Variants in PCDHGA6 observed in about 807,000 individuals in gnomAD.
The protein encoded by PCDHGA6 is protocadherin gamma subfamily A, 6.
PCDHGA6 carries 41 observed loss-of-function variants against 60.6 expected under a neutral mutation model. That is an observed-to-expected ratio of 0.68 (90% CI 0.53 to 0.88). The LOEUF (loss-of-function observed/expected upper bound fraction) is 0.88, where lower values mean the gene tolerates loss of function less well. Ranked by LOEUF, PCDHGA6 falls within the 40% of genes least tolerant of loss-of-function variation. The pLI is 0.00. For synonymous variants in PCDHGA6, 594 were observed against 524.4 expected, an observed-to-expected ratio of 1.13 and a Z score of -1.81; for missense variants, 1,312 against 1,203.0, an observed-to-expected ratio of 1.09 and a Z score of -1.34.
At chr5:141,409,241 A>G in intron 1 of PCDHGA6, 1 of 1,614,038 alleles carries the variant, frequency 6.2e-7, no homozygotes. Context: ...CAGCCCAGAA[A>G]TAATCATCAC....
chr5:141,477,168 A>C lies in PCDHGA6; in HGVS notation c.2425-17639A>C, dbSNP rs763187246. 1 of 1,614,210 alleles carries C rather than the reference A, an allele frequency of 6.2e-7. No homozygotes were observed. The highest frequency in any genetic ancestry group is 8.5e-7 in the Non-Finnish European group (1 of 1,180,040). On this transcript the variant is annotated intron_variant, in intron 1 of 3. Transcript: ENST00000517434. This position sits in a 1 kb window ranked among gnomAD's most constrained non-coding sequence, Gnocchi z 4.9. ...GTGGATGTGAATGACAACGCCCCGG[A>C]GATCACAGTCACCTCCGTGTACAGC...
At position 141,432,995 on chromosome 5, in the gene PCDHGA6, G is replaced by A. The variant is rs576866505; in HGVS notation, c.2424+56488G>A. On this transcript the variant is annotated intron_variant, in intron 1 of 3. Transcript: ENST00000517434. This position sits in a 1 kb window ranked among gnomAD's most constrained non-coding sequence, Gnocchi z 6.0. ...GTCGCACTTTGTGGGCGTGGACGGGGTGCAGGCTTTCCTGCAGACCTATTC... is the reference window on the plus strand; with the variant it reads ...GTCGCACTTTGTGGGCGTGGACGGGATGCAGGCTTTCCTGCAGACCTATTC... The A allele has an allele frequency of 1.2e-6, 2 of 1,614,226 alleles. No individual in the cohort carries two copies. The highest frequency in any genetic ancestry group is 3.3e-5 in the Admixed American group (2 of 60,028).
intron 1 of PCDHGA6, chr5:141,384,769 G>A (rs778610936): frequency 6.2e-7 from 1 of 1,613,914 alleles, no homozygotes; most frequent in Non-Finnish European, 8.5e-7. Context: ...GCTGTACACG[G>A]GCGAGGTGCG....
intron 1 of PCDHGA6, chr5:141,384,099 T>A (rs1456303515): frequency 6.3e-7 from 1 of 1,597,622 alleles, no homozygotes; most frequent in Non-Finnish European, 8.5e-7. Flanking sequence ...CAATAGATAA[T>A]TATTATAGAT....
At chr5:141,408,002 T>A in intron 1 of PCDHGA6, 1 of 908,258 alleles carries the variant, frequency 1.1e-6, no homozygotes, top group Non-Finnish European at 1.6e-6. Flanking sequence ...GGCCTGGGAT[T>A]CCCTGCGCAG....
intron 1 of PCDHGA6, among the ~76,000 whole-genome samples, chr5:141,464,648 G>A (rs776411908): frequency 6.6e-6 from 1 of 152,020 alleles, no homozygotes; most frequent in African/African-American, 2.4e-5. Flanking sequence ...AACCTGATGG[G>A]TAAAAAGATA....
intron 1 of PCDHGA6, among the ~76,000 whole-genome samples, chr5:141,456,818 G>A (rs1214373156): frequency 1.3e-5 from 2 of 151,890 alleles, no homozygotes; most frequent in Admixed American, 6.6e-5. Context: ...CAAAAAATTA[G>A]CCATCGTGGT....
intron 2 of PCDHGA6, among the ~76,000 whole-genome samples, chr5:141,495,250 A>G (rs557893500): frequency 6.6e-6 from 1 of 152,188 alleles, no homozygotes; most frequent in Non-Finnish European, 1.5e-5. Context: ...CCTGGGGCTC[A>G]GGCAGAAAAG....
At chr5:141,389,337 G>T (rs756804360) in intron 1 of PCDHGA6, 7 of 1,614,014 alleles carry the variant, frequency 4.3e-6, no homozygotes, top group Non-Finnish European at 5.9e-6. Flanking sequence ...CAACGGCCAA[G>T]TCTCTTACTG....
Position 141,489,941 on chromosome 5 carries a change from A to G in PCDHGA6, c.2425-4866A>G. Reference sequence around the variant, plus strand: ...ACCCTTATCTCTGTCATCGTGCTGGACATCAATGATAATGCTCCAACCTTC... The same window carrying G: ...ACCCTTATCTCTGTCATCGTGCTGGGCATCAATGATAATGCTCCAACCTTC... On this transcript the variant is annotated intron_variant, in intron 1 of 3. Transcript: ENST00000517434. The surrounding 1 kb of genome is among the most constrained non-coding windows in gnomAD (Gnocchi z 4.5). 1.2e-6 allele frequency: 2 copies of G among 1,614,228 alleles called. No homozygotes were observed. The highest frequency in any genetic ancestry group is 1.7e-6 in the Non-Finnish European group (2 of 1,180,034).
intron 1 of PCDHGA6, chr5:141,423,295 C>A: frequency 6.2e-7 from 1 of 1,614,146 alleles, no homozygotes; most frequent in Non-Finnish European, 8.5e-7. Context: ...AACCTCAGAC[C>A]TCTCGCTGTA....
chr5:141,404,533 T>A, intron 1 of PCDHGA6: 2 of 1,613,926 alleles, frequency 1.2e-6, no homozygotes. Flanking sequence ...AGTTTAGAGA[T>A]TTGCAAATGC....
chr5:141,509,059 C>T (rs1313349089), intron 3 of PCDHGA6, among the ~76,000 whole-genome samples: 2 of 152,182 alleles, frequency 1.3e-5, no homozygotes, highest in Non-Finnish European at 2.9e-5. Flanking sequence ...CCAGAAAGCT[C>T]TCAGCTCCGG....
Position 141,404,312 on chromosome 5 carries a change from C to T in PCDHGA6, c.2424+27805C>T. On this transcript the variant is annotated intron_variant, in intron 1 of 3. Transcript: ENST00000517434. ...CAATGATAATCCACCTGCTTTCTCT[C>T]AAGCCTCCTACTCAGTCTACCTCCC... is the stretch of plus-strand genomic sequence containing the variant. 1.9e-6 allele frequency: 3 copies of T among 1,613,956 alleles called. No individual in the cohort carries two copies. The Middle Eastern group carries it at 4.9e-4, about 266-fold the overall frequency.
rs139839962 is a variant in PCDHGA6, at chr5:141,380,524, G to C, written c.2424+4017G>C. On this transcript the variant is annotated intron_variant, in intron 1 of 3. Coordinates refer to ENST00000517434, the MANE Select transcript of PCDHGA6 (RefSeq NM_018919.3). ...ATATACACTCTTTAAACTATGAAAT[G>C]ATTTCAATTTGATACAATGAGCTTA... Among the ~76,000 whole-genome samples the C allele has an allele frequency of 4.5e-3, 691 of 152,196 alleles. 6 individuals are homozygous for C. Among genetic ancestry groups the C allele is most frequent in the Middle Eastern group, 0.014 (4 of 294 alleles).
intron 3 of PCDHGA6, among the ~76,000 whole-genome samples, chr5:141,506,943 T>A (rs2099857373): frequency 6.6e-6 from 1 of 152,192 alleles, no homozygotes; most frequent in South Asian, 2.1e-4. Context: ...GGGCCTCCTG[T>A]CAATGAATCC....
Position 141,431,645 on chromosome 5 carries a change from T to C in PCDHGA6, c.2424+55138T>C. ...GGCGGCCCAAGTTTTCAAACTAGAT[T>C]GTAATTCAGGGACAATATCAACAAT... is the stretch of plus-strand genomic sequence containing the variant. On this transcript the variant is annotated intron_variant, in intron 1 of 3. Coordinates refer to ENST00000517434, the MANE Select transcript of PCDHGA6 (RefSeq NM_018919.3). This position sits in a 1 kb window ranked among gnomAD's most constrained non-coding sequence, Gnocchi z 4.8. 6.2e-7 allele frequency: 1 copy of C among 1,614,236 alleles called. No individual in the cohort carries two copies.
At chr5:141,510,304 A>G (rs1030803209) in intron 3 of PCDHGA6, among the ~76,000 whole-genome samples, 1 of 151,732 alleles carries the variant, frequency 6.6e-6, no homozygotes, top group Non-Finnish European at 1.5e-5. Context: ...CTGTTTTGAA[A>G]TGGAGGCTTG....
In PCDHGA6 at chr5:141,485,985, T is replaced by C. The variant is rs748867624; in HGVS notation, c.2425-8822T>C. 5.6e-6 allele frequency: 9 copies of C among 1,614,086 alleles called. No homozygotes were observed. Among genetic ancestry groups the C allele is most frequent in the South Asian group, 5.5e-5 (5 of 91,094 alleles). On this transcript the variant is annotated intron_variant, in intron 1 of 3. Coordinates refer to ENST00000517434, the MANE Select transcript of PCDHGA6 (RefSeq NM_018919.3). The surrounding 1 kb of genome is among the most constrained non-coding windows in gnomAD (Gnocchi z 5.7). ...CAGCTCAATGCCTCAGACCCGGACC[T>C]GGGTCCCAGTGGTAACGTCACCTTT...
Sources: gnomAD v4.1 joint callset for allele counts (sites outside exome capture counted in the v4.1 genomes callset) on GRCh38, gnomAD v4.1.1 for gene constraint, Gnocchi (gnomAD v3.1) non-coding constraint, MANE v1.5 for transcripts, NCBI Gene and HGNC (gene_info 2026-07-23, HGNC 2026-07-21) for gene names.